The following ASIC2 variants were observed in gnomAD, a reference collection of about 807,000 sequenced individuals.
ASIC2 encodes the protein acid-sensing ion channel 2.
ASIC2 carries 25 observed loss-of-function variants against 57.3 expected under a neutral mutation model. That is an observed-to-expected ratio of 0.44 (90% CI 0.32 to 0.61). ASIC2 has a LOEUF of 0.61. ASIC2 is among the 20% of genes least tolerant of loss of function. The pLI, the probability that ASIC2 is intolerant of heterozygous loss-of-function variation, is 0.06. For missense variants in ASIC2, 641 were observed against 738.1 expected, an observed-to-expected ratio of 0.87 and a Z score of 1.52; for synonymous variants, 319 against 307.5, an observed-to-expected ratio of 1.04 and a Z score of -0.39.
chr17:33,059,081 C>G (rs2092010314), intron 3 of ASIC2, among the ~76,000 whole-genome samples: 1 of 152,030 alleles, frequency 6.6e-6, no homozygotes, highest in Non-Finnish European at 1.5e-5. Context: ...AAACCAAAAA[C>G]CAAACCCACA....
At chr17:33,628,393 G>A (rs1019724250) in intron 1 of ASIC2, among the ~76,000 whole-genome samples, 1 of 151,814 alleles carries the variant, frequency 6.6e-6, no homozygotes, top group Non-Finnish European at 1.5e-5. Context: ...CTTGGCTCAA[G>A]TGATCCTCCC....
chr17:33,713,047 G>T (rs1448408454), intron 1 of ASIC2, among the ~76,000 whole-genome samples: 1 of 152,200 alleles, frequency 6.6e-6, no homozygotes, highest in Non-Finnish European at 1.5e-5. Context: ...CAAGTGAAGG[G>T]CAAGAAAGAG....
At chr17:33,695,652 T>C (rs1908501940) in intron 1 of ASIC2, among the ~76,000 whole-genome samples, 1 of 152,194 alleles carries the variant, frequency 6.6e-6, no homozygotes, top group South Asian at 2.1e-4. Context: ...AAGTTTTGTT[T>C]GTTTTTGTAT....
At chr17:33,783,051 T>C (rs538268276) in intron 1 of ASIC2, among the ~76,000 whole-genome samples, 1 of 152,318 alleles carries the variant, frequency 6.6e-6, no homozygotes, top group South Asian at 2.1e-4. Flanking sequence ...AAATGTCCCC[T>C]CAGCAGATTC....
chr17:33,138,666 T>C (rs1265010002), intron 1 of ASIC2, among the ~76,000 whole-genome samples: 1 of 152,174 alleles, frequency 6.6e-6, no homozygotes, highest in African/African-American at 2.4e-5. Context: ...TCACCTTTCC[T>C]CTTACTTCTT....
rs571668802 is a variant in ASIC2 at position 33,093,886 on chromosome 17, G to A, written c.860-4896C>T. Among the ~76,000 whole-genome samples the A allele has an allele frequency of 1.9e-3, 287 of 152,306 alleles. 1 individual carries two copies. Among genetic ancestry groups the A allele is most frequent in the Non-Finnish European group, 2.8e-3 (190 of 68,026 alleles). ...AGAAAAGTTTATCTGAATAGCTAGG[G>A]GGAGTTTTCAGAGCTCAGAGAGTGA... On this transcript the variant is annotated intron_variant, in intron 2 of 9. Transcript: ENST00000225823.
intron 1 of ASIC2, among the ~76,000 whole-genome samples, chr17:33,706,967 G>A (rs1908882043): frequency 1.3e-5 from 2 of 152,216 alleles, no homozygotes; most frequent in Admixed American, 1.3e-4. Context: ...AATTCAAGTA[G>A]CTTCTGAAGA....
intron 1 of ASIC2, among the ~76,000 whole-genome samples, chr17:33,462,495 T>G (rs145874411): frequency 6.6e-6 from 1 of 152,256 alleles, no homozygotes; most frequent in East Asian, 1.9e-4. Flanking sequence ...TACAAGGAAA[T>G]GGGGCCCCAG....
At chr17:33,632,483 G>A (rs9900022) in intron 1 of ASIC2, among the ~76,000 whole-genome samples, 44,820 of 151,792 alleles carry the variant, frequency 0.3, 6,738 homozygotes, top group East Asian at 0.41. Flanking sequence ...TTGTAGGCCA[G>A]TCAGAAGATC....
At chr17:33,363,894 C>A (rs527600714) in intron 1 of ASIC2, among the ~76,000 whole-genome samples, 1 of 152,184 alleles carries the variant, frequency 6.6e-6, no homozygotes, top group Non-Finnish European at 1.5e-5. Context: ...GGGCAGCCAC[C>A]TGGGCTTTGG....
Position 33,140,860 on chromosome 17 carries a change from T to A in ASIC2, c.709-28793A>T, listed in dbSNP as rs577276034. ...TTAAGCCCAGCCAGGGCTGCCTCAGTGAATGGGGCTCCCCTGGGGCACATT... is the reference window on the plus strand; with the variant it reads ...TTAAGCCCAGCCAGGGCTGCCTCAGAGAATGGGGCTCCCCTGGGGCACATT... On this transcript the variant is annotated intron_variant, in intron 1 of 9. Transcript: ENST00000225823. 8.5e-5 allele frequency among the ~76,000 whole-genome samples: 13 copies of A among 152,346 alleles called. No individual in the cohort carries two copies. The South Asian group carries it at 2.5e-3, about 29-fold the overall frequency.
chr17:33,136,325 T>C (rs887919809), intron 1 of ASIC2, among the ~76,000 whole-genome samples: 1 of 152,246 alleles, frequency 6.6e-6, no homozygotes, highest in Non-Finnish European at 1.5e-5. Context: ...TTATGGGTTA[T>C]ACGGTCCAGA....
intron 1 of ASIC2, among the ~76,000 whole-genome samples, chr17:33,368,854 C>A (rs1908928622): frequency 6.6e-6 from 1 of 152,196 alleles, no homozygotes. Context: ...ATGCCACAAA[C>A]TTTCCACAGG....
intron 1 of ASIC2, among the ~76,000 whole-genome samples, chr17:33,472,295 C>A (rs7217813): frequency 0.28 from 42,396 of 151,916 alleles, 5,978 homozygotes; most frequent in South Asian, 0.33. Flanking sequence ...GCTGGGATTA[C>A]AGGTGTGAGC....
intron 3 of ASIC2, among the ~76,000 whole-genome samples, chr17:33,028,861 C>T (rs1016766015): frequency 6.6e-6 from 1 of 152,228 alleles, no homozygotes. Context: ...GAGGACGAAA[C>T]CCAGAGGAAG....
intron 1 of ASIC2, among the ~76,000 whole-genome samples, chr17:33,823,226 C>T (rs1258817310): frequency 1.3e-5 from 2 of 152,178 alleles, no homozygotes; most frequent in Non-Finnish European, 2.9e-5. Flanking sequence ...TAAATAGTGA[C>T]AGGCAGGATG....
At chr17:33,564,953 A>T (rs1001522686) in intron 1 of ASIC2, among the ~76,000 whole-genome samples, 1 of 152,206 alleles carries the variant, frequency 6.6e-6, no homozygotes, top group Non-Finnish European at 1.5e-5. Flanking sequence ...CATAAGTGAT[A>T]CTTTTATTTA....
chr17:33,525,002 C>T (rs772487167), intron 1 of ASIC2, among the ~76,000 whole-genome samples: 4 of 152,182 alleles, frequency 2.6e-5, no homozygotes, highest in African/African-American at 4.8e-5. Context: ...CCTTGTGACC[C>T]TCAAAGTCTA....
chr17:33,794,460 G>A (rs967600566), intron 1 of ASIC2: 2 of 152,318 alleles, frequency 1.3e-5, no homozygotes, highest in African/African-American at 4.8e-5. Context: ...TGGTGAATGG[G>A]TGAGCATGTA....
Sources: gnomAD v4.1 joint callset for allele counts (sites outside exome capture counted in the v4.1 genomes callset) on GRCh38, gnomAD v4.1.1 for gene constraint, MANE v1.5 for transcripts, NCBI Gene and HGNC (gene_info 2026-07-23, HGNC 2026-07-21) for gene names.